The following CDH18 variants were observed in gnomAD, a reference collection of about 807,000 sequenced individuals.
CDH18 encodes the protein cadherin-18.
Under a neutral mutation model 67.9 loss-of-function variants are expected in CDH18, and 31 were observed. The ratio of observed to expected loss-of-function variants is 0.46; its 90% CI spans 0.34 to 0.62. The LOEUF is 0.62. Ranked by LOEUF, CDH18 falls within the 20% of genes least tolerant of loss-of-function variation. The pLI is 0.01. For synonymous variants in CDH18, 362 were observed against 347.2 expected, an observed-to-expected ratio of 1.04 and a Z score of -0.48; for missense variants, 890 against 975.5, an observed-to-expected ratio of 0.91 and a Z score of 1.17.
intron 1 of CDH18, among the ~76,000 whole-genome samples, chr5:20,475,706 G>T (rs1053651347): frequency 6.6e-6 from 1 of 151,984 alleles, no homozygotes; most frequent in African/African-American, 2.4e-5. Context: ...ATTCTTATTG[G>T]TTTTCATTTT....
chr5:20,160,010 T>C (rs1751851490), intron 2 of CDH18, among the ~76,000 whole-genome samples: 1 of 152,208 alleles, frequency 6.6e-6, no homozygotes, highest in South Asian at 2.1e-4. Context: ...TTTTGCTATG[T>C]TGTTTAAAAT....
chr5:20,099,658 A>G (rs79091161), intron 2 of CDH18, among the ~76,000 whole-genome samples: 7,314 of 152,254 alleles, frequency 0.048, 429 homozygotes, highest in East Asian at 0.28. Flanking sequence ...AACTGAAAGA[A>G]TAATTACTAC....
At chr5:19,720,640 G>T (rs1485260603) in intron 5 of CDH18, among the ~76,000 whole-genome samples, 1 of 152,078 alleles carries the variant, frequency 6.6e-6, no homozygotes, top group Admixed American at 6.6e-5. Context: ...GGCCTGATAT[G>T]ACAGGATATA....
intron 2 of CDH18, among the ~76,000 whole-genome samples, chr5:20,029,581 A>C (rs1035187224): frequency 2.0e-5 from 3 of 152,228 alleles, no homozygotes; most frequent in Admixed American, 6.5e-5. Flanking sequence ...ATGTTTCCAT[A>C]AGATTATGAG....
At chr5:19,569,288 A>G (rs1026661058) in intron 8 of CDH18, among the ~76,000 whole-genome samples, 1 of 152,072 alleles carries the variant, frequency 6.6e-6, no homozygotes, top group Non-Finnish European at 1.5e-5. Context: ...TCTTTCCTTC[A>G]TTCTTCATTT....
At chr5:20,234,506 C>A (rs955935291) in intron 2 of CDH18, among the ~76,000 whole-genome samples, 1 of 152,060 alleles carries the variant, frequency 6.6e-6, no homozygotes, top group Non-Finnish European at 1.5e-5. Flanking sequence ...TCTCTTCTCT[C>A]CACTGTGTAA....
At chr5:20,062,607 C>T (rs1293820971) in intron 2 of CDH18, among the ~76,000 whole-genome samples, 1 of 152,096 alleles carries the variant, frequency 6.6e-6, no homozygotes, top group Admixed American at 6.6e-5. Flanking sequence ...ACTGAACTGT[C>T]TTATAAGCTA....
intron 5 of CDH18, among the ~76,000 whole-genome samples, chr5:19,700,082 G>A (rs142894262): frequency 8.9e-4 from 135 of 152,010 alleles, no homozygotes; most frequent in African/African-American, 2.6e-3. Flanking sequence ...TTCGTCTTTC[G>A]AAAGAGTAAG....
intron 5 of CDH18, among the ~76,000 whole-genome samples, chr5:19,624,507 G>T (rs1554062687): frequency 6.6e-6 from 1 of 152,142 alleles, no homozygotes; most frequent in Non-Finnish European, 1.5e-5. Context: ...TAAGATTTCA[G>T]AGATATGTAT....
intron 2 of CDH18, among the ~76,000 whole-genome samples, chr5:20,016,465 A>C (rs1422364358): frequency 6.6e-6 from 1 of 151,382 alleles, no homozygotes; most frequent in African/African-American, 2.4e-5. Flanking sequence ...CAAAAATAAA[A>C]GTTTTTCAGA....
chr5:19,826,729 G>A (rs1780445760), intron 3 of CDH18, among the ~76,000 whole-genome samples: 1 of 152,130 alleles, frequency 6.6e-6, no homozygotes, highest in South Asian at 2.1e-4. Flanking sequence ...AGGTCCTTAT[G>A]GGAGTGCCAT....
At chr5:19,852,099 A>G (rs540158623) in intron 2 of CDH18, among the ~76,000 whole-genome samples, 2 of 152,180 alleles carry the variant, frequency 1.3e-5, no homozygotes, top group Non-Finnish European at 2.9e-5. Flanking sequence ...ATTATTCATT[A>G]CACAATTTGT....
rs2150277884 is a variant in CDH18 at position 19,954,745 on chromosome 5, AAC to A, written c.-257+26313_-257+26314del. 2.6e-5 allele frequency among the ~76,000 whole-genome samples: 4 copies of A among 152,034 alleles called. 1 individual carries two copies. The South Asian group carries it at 8.3e-4, about 32-fold the overall frequency. ...TCAAATGTTCATGCTTTCAAATACA[AAC>A]ACACACACACTAACTCACACATACA... On this transcript the variant is annotated intron_variant, in intron 2 of 12. Transcript: ENST00000382275.
intron 2 of CDH18, among the ~76,000 whole-genome samples, chr5:19,943,031 C>G (rs528828687): frequency 6.6e-6 from 1 of 152,198 alleles, no homozygotes; most frequent in Non-Finnish European, 1.5e-5. Context: ...GAGCTTAGTT[C>G]TATCTAGCTG....
chr5:19,786,446 T>A (rs1775781219), intron 3 of CDH18, among the ~76,000 whole-genome samples: 1 of 152,194 alleles, frequency 6.6e-6, no homozygotes, highest in Non-Finnish European at 1.5e-5. Context: ...ACTACTGAAG[T>A]GAAAATATTA....
At position 19,938,609 on chromosome 5, in the gene CDH18, T is replaced by C. The variant is rs966140585; in HGVS notation, c.-257+42451A>G. Among the ~76,000 whole-genome samples, 5 of 151,606 alleles carry C rather than the reference T, an allele frequency of 3.3e-5. No individual in the cohort carries two copies. The Admixed American group carries it at 3.3e-4, about 10-fold the overall frequency. Reference sequence around the variant, plus strand: ...TTTCTAGTTACCATATTCAATGTCATGGCTAACTTTGACTTTCTACTTCAT... The same window carrying C: ...TTTCTAGTTACCATATTCAATGTCACGGCTAACTTTGACTTTCTACTTCAT... On this transcript the variant is annotated intron_variant, in intron 2 of 12. Coordinates refer to ENST00000382275, the MANE Select transcript of CDH18 (RefSeq NM_004934.5).
intron 2 of CDH18, among the ~76,000 whole-genome samples, chr5:20,173,265 C>A (rs1311349446): frequency 6.6e-6 from 1 of 151,956 alleles, no homozygotes; most frequent in Non-Finnish European, 1.5e-5. Context: ...TTGCTCTAAA[C>A]CAAAATTATG....
intron 1 of CDH18, among the ~76,000 whole-genome samples, chr5:20,543,954 T>C (rs944841310): frequency 6.6e-6 from 1 of 152,208 alleles, no homozygotes; most frequent in African/African-American, 2.4e-5. Flanking sequence ...CACTATTTTC[T>C]GTAAATCTTC....
intron 1 of CDH18, among the ~76,000 whole-genome samples, chr5:20,279,915 T>C (rs1256002057): frequency 2.0e-5 from 3 of 151,914 alleles, no homozygotes; most frequent in African/African-American, 7.2e-5. Context: ...CACTTCAGAA[T>C]ACACATTGTT....
Sources: gnomAD v4.1 joint callset for allele counts (sites outside exome capture counted in the v4.1 genomes callset) on GRCh38, gnomAD v4.1.1 for gene constraint, MANE v1.5 for transcripts, NCBI Gene and HGNC (gene_info 2026-07-23, HGNC 2026-07-21) for gene names.